Variants in SYCP2 observed in about 807,000 individuals in gnomAD.
SYCP2 encodes the protein synaptonemal complex protein 2.
SYCP2 carries 55 observed loss-of-function variants against 211.3 expected under a neutral mutation model. That is an observed-to-expected ratio of 0.26 (90% confidence interval 0.21 to 0.33). SYCP2 has a LOEUF of 0.33. Among genes scored for constraint, SYCP2 ranks in the 10% least tolerant of loss-of-function variants. The pLI, the probability that SYCP2 is intolerant of heterozygous loss-of-function variation, is 1.00. For missense variants in SYCP2, 1,731 were observed against 1,752.0 expected (o/e 0.99, Z 0.21); for synonymous variants, 570 against 555.2 (o/e 1.03, Z -0.37).
chr20:59,888,864 C>A (rs2059847791), intron 24 of SYCP2, among the ~76,000 whole-genome samples: 1 of 151,766 alleles, frequency 6.6e-6, no homozygotes, highest in Admixed American at 6.6e-5. Context: ...CAAGTGTAAT[C>A]AAAAACACAA....
At chr20:59,907,879 T>C (rs1028901567) in intron 14 of SYCP2, among the ~76,000 whole-genome samples, 4 of 152,198 alleles carry the variant, frequency 2.6e-5, no homozygotes, top group African/African-American at 9.7e-5. Context: ...ACCTAAAATG[T>C]TTGCCCCAAG....
intron 44 of SYCP2, among the ~76,000 whole-genome samples, chr20:59,864,779 G>A (rs189126903): frequency 1.3e-5 from 2 of 152,100 alleles, no homozygotes; most frequent in Non-Finnish European, 2.9e-5. Context: ...GCATATTGAG[G>A]TTCTATCTTT....
chr20:59,891,964 G>GA, intron 24 of SYCP2, 26 bp downstream of exon 24: 2 of 1,539,792 alleles, frequency 1.3e-6, no homozygotes, highest in Non-Finnish European at 1.7e-6. Flanking sequence ...TGGATATGCA[G>GA]AAATCAAAAC....
intron 1 of SYCP2, among the ~76,000 whole-genome samples, chr20:59,932,599 G>T (rs942729054): frequency 1.3e-5 from 2 of 151,562 alleles, no homozygotes; most frequent in Non-Finnish European, 2.9e-5. Context: ...GCTGGAACCC[G>T]GAAGATGGAG....
At position 59,901,663 on chromosome 20, in the gene SYCP2, C is replaced by A; in HGVS notation, c.1181G>T (p.Arg394Met). ...TQKIFGATKH[R>M]ESIRKQGISV... Reference sequence around the variant, plus strand: ...TATTTATTAAGTTTAAAGACTTACCCTATGTTTAGTTGCACCAAAAATTTT... The same window carrying A: ...TATTTATTAAGTTTAAAGACTTACCATATGTTTAGTTGCACCAAAAATTTT... The change falls in exon 16 of 45, where the codon AGG (arginine) becomes ATG (methionine). Residue 394 changes from arginine to methionine, a missense_variant and splice_region_variant. Around this residue, in one of 3 missense-constraint regions of SYCP2, gnomAD observed 1,387 missense variants for 1,351.3 expected, o/e 1.03. Transcript: ENST00000357552. The A allele has an allele frequency of 1.3e-6, 2 of 1,521,104 alleles. No homozygotes were observed. Among genetic ancestry groups the A allele is most frequent in the Non-Finnish European group, 1.8e-6 (2 of 1,114,818 alleles). 94.2% of individuals were successfully genotyped at this position (1,521,104 alleles called of 1,614,324 possible).
intron 12 of SYCP2, among the ~76,000 whole-genome samples, chr20:59,913,703 A>G (rs1460865816): frequency 6.6e-6 from 1 of 152,132 alleles, no homozygotes; most frequent in East Asian, 1.9e-4. Context: ...TTGAACATCT[A>G]AAGTTATTAA....
chr20:59,900,075 CAT>C (rs1411128867), intron 18 of SYCP2, 61 bp downstream of exon 18: 3 of 1,500,052 alleles, frequency 2.0e-6, no homozygotes, highest in Admixed American at 1.7e-5. Context: ...TTTCAGTACT[CAT>C]ATATAACAGT....
Position 59,920,339 on chromosome 20 carries a change from G to A in SYCP2, c.297+20C>T. ...TATAATATTTCATTCACATGAATAT[G>A]TTACATATTCTATACTTATCTTTTG... is the stretch of plus-strand genomic sequence containing the variant. On this transcript the variant is annotated intron_variant, in intron 5 of 44. Coordinates refer to ENST00000357552, the MANE Select transcript of SYCP2 (RefSeq NM_014258.4). The A allele has an allele frequency of 6.4e-7, 1 of 1,559,100 alleles. No individual in the cohort carries two copies. The highest frequency in any genetic ancestry group is 8.8e-7 in the Non-Finnish European group (1 of 1,142,746).
At chr20:59,888,000 T>C (rs1000037253) in intron 24 of SYCP2, among the ~76,000 whole-genome samples, 2 of 151,978 alleles carry the variant, frequency 1.3e-5, no homozygotes, top group East Asian at 1.9e-4. Flanking sequence ...ACTAGGCCTA[T>C]ATCTATTAAA....
At chr20:59,865,767 TA>T in intron 42 of SYCP2, 39 bp downstream of exon 42, 1 of 1,171,734 alleles carries the variant, frequency 8.5e-7, no homozygotes, top group Middle Eastern at 2.9e-4. Context: ...TTTAAAAATC[TA>T]ATTTTATAGA....
At position 59,892,231 on chromosome 20, in the gene SYCP2, G is replaced by C. The variant is rs1459726700; in HGVS notation, c.2123C>G (p.Thr708Ser). Residue 708 changes from threonine to serine, a missense_variant, in exon 24 of 45, where the codon ACT becomes AGT. Physicochemically the swap from Thr to Ser is moderately conservative, Grantham distance 58. Transcript: ENST00000357552. Reference protein sequence around the residue: ...NHPKYSGQKNTENAKQSDWPV... With the variant: ...NHPKYSGQKNSENAKQSDWPV... ...CCAATCACTCTGCTTGGCATTTTCA[G>C]TATTTTTCTGCCCTGAATATTTAGG... 6.2e-7 allele frequency: 1 copy of C among 1,612,634 alleles called. No individual in the cohort carries two copies. The highest frequency in any genetic ancestry group is 1.3e-5 in the African/African-American group (1 of 74,800).
chr20:59,886,983 T>G (rs1027238522), intron 24 of SYCP2, 149 bp from the exon 25 acceptor site: 14 of 589,388 alleles, frequency 2.4e-5, no homozygotes, highest in African/African-American at 1.6e-4. Flanking sequence ...AGTTTGAGCT[T>G]TGTTAGGCAT....
chr20:59,919,197 A>G lies in SYCP2; in HGVS notation c.403-15T>C. 3 of 1,182,010 alleles carry G rather than the reference A, an allele frequency of 2.5e-6. No individual in the cohort carries two copies. Among genetic ancestry groups the G allele is most frequent in the South Asian group, 2.6e-5 (2 of 75,920 alleles). The allele number at this position is 1,182,010 out of a possible 1,614,324, so 73.2% of individuals were successfully genotyped here. A position where few individuals can be genotyped will look rare whatever the true frequency, so the allele number is the denominator to read the frequency against. On this transcript the variant is annotated splice_polypyrimidine_tract_variant and intron_variant, in intron 6 of 44. Transcript: ENST00000357552. ...TCATGTATGACCTGAAAAAAAGTGAATAATATTTAATTTACAAGTTACTAT... is the reference window on the plus strand; with the variant it reads ...TCATGTATGACCTGAAAAAAAGTGAGTAATATTTAATTTACAAGTTACTAT...
chr20:59,907,696 G>T (rs1044611447), intron 14 of SYCP2, among the ~76,000 whole-genome samples: 5 of 151,998 alleles, frequency 3.3e-5, no homozygotes, highest in Non-Finnish European at 7.4e-5. Context: ...ATATTTATTA[G>T]AGGATACCCT....
intron 39 of SYCP2, among the ~76,000 whole-genome samples, chr20:59,867,014 C>CAAAAAAAAA (rs779891839): frequency 1.7e-5 from 1 of 60,424 alleles, no homozygotes; most frequent in East Asian, 6.0e-4. Context: ...GGCCTTGGGC[C>CAAAAAAAAA]AAAAAAAAAA....
At chr20:59,867,899 T>G (rs2059382212) in intron 38 of SYCP2, 52 bp from the exon 39 acceptor site, 2 of 1,399,112 alleles carry the variant, frequency 1.4e-6, no homozygotes, top group African/African-American at 2.9e-5. Flanking sequence ...ACTCTAAATT[T>G]AGCCTTGTAA....
Position 59,882,075 on chromosome 20 carries a change from A to G in SYCP2, c.2600+20T>C, listed in dbSNP as rs967166107. 2.9e-5 allele frequency: 47 copies of G among 1,610,028 alleles called. No homozygotes were observed. The highest frequency in any genetic ancestry group is 3.3e-4 in the Middle Eastern group (2 of 6,064). On this transcript the variant is annotated intron_variant, in intron 27 of 44. Transcript: ENST00000357552. ...TCTTCAAATATGAAGAAAATGAAAA[A>G]TATTACAAAAAATACTTACACTGGG...
At chr20:59,893,287 T>TCA in intron 21 of SYCP2, 88 bp from the exon 22 acceptor site, 1 of 925,152 alleles carries the variant, frequency 1.1e-6, no homozygotes, top group South Asian at 1.6e-5. Context: ...CTATAAAGGT[T>TCA]CACATATTGG....
intron 21 of SYCP2, 78 bp from the exon 22 acceptor site, chr20:59,893,277 C>T: frequency 1.0e-6 from 1 of 992,822 alleles, no homozygotes; most frequent in Non-Finnish European, 1.5e-6. Flanking sequence ...GTATAGAAAT[C>T]TATAAAGGTT....
Sources: gnomAD v4.1 joint callset for allele counts (sites outside exome capture counted in the v4.1 genomes callset) on GRCh38, gnomAD v4.1.1 for gene constraint, gnomAD v4.1.1 regional missense constraint, MANE v1.5 for transcripts, NCBI Gene and HGNC (gene_info 2026-07-23, HGNC 2026-07-21) for gene names.